CERS6: variants seen among roughly 807,000 people sequenced by gnomAD.
CERS6 encodes LAG1 homolog, ceramide synthase 6.
CERS6 carries 26 observed loss-of-function variants against 56.8 expected under a neutral mutation model. The observed-to-expected ratio is 0.46, with a 90% CI of 0.34 to 0.63. The LOEUF (loss-of-function observed/expected upper bound fraction) is 0.63. Ranked by LOEUF, CERS6 falls within the 30% of genes least tolerant of loss-of-function variation. The pLI is 0.01. For synonymous variants in CERS6, 164 were observed against 173.3 expected (o/e 0.95, Z 0.42); for missense variants, 415 against 467.5 (o/e 0.89, Z 1.04).
In CERS6 at chr2:168,456,766, C is replaced by A. The variant is rs1693670735; in HGVS notation, c.170+148C>A. Reference sequence around the variant, plus strand: ...GTGTTCGGGGAGGGGTTGCTGACCCCCCTGCCCCGCTGGCTTTCTGGGAGC... The same window carrying A: ...GTGTTCGGGGAGGGGTTGCTGACCCACCTGCCCCGCTGGCTTTCTGGGAGC... On this transcript the variant is annotated intron_variant, in intron 1 of 9. Transcript: ENST00000305747. The surrounding 1 kb of genome is among the most constrained non-coding windows in gnomAD (Gnocchi z 4.1). The A allele has an allele frequency of 6.9e-6, 5 of 719,800 alleles. No homozygotes were observed. The highest frequency in any genetic ancestry group is 1.1e-5 in the Non-Finnish European group (5 of 445,068). 44.6% of individuals were successfully genotyped at this position (719,800 alleles called of 1,614,324 possible). A position where few individuals can be genotyped will look rare whatever the true frequency, so the allele number is the denominator to read the frequency against.
intron 4 of CERS6, among the ~76,000 whole-genome samples, chr2:168,649,298 G>A (rs563474701): frequency 1.3e-3 from 192 of 152,246 alleles, no homozygotes; most frequent in African/African-American, 4.4e-3. Context: ...AAGTGACAGA[G>A]CTGGCATCAG....
chr2:168,655,266 A>G (rs983966710), intron 4 of CERS6, among the ~76,000 whole-genome samples: 7 of 152,332 alleles, frequency 4.6e-5, no homozygotes, highest in South Asian at 2.1e-4. Flanking sequence ...AGGGAATTCT[A>G]GTACACTGGT....
intron 8 of CERS6, among the ~76,000 whole-genome samples, chr2:168,726,136 A>G (rs1440760036): frequency 6.6e-6 from 1 of 152,200 alleles, no homozygotes; most frequent in Non-Finnish European, 1.5e-5. Context: ...TTTAATTATA[A>G]ATGGTCTCAT....
intron 1 of CERS6, among the ~76,000 whole-genome samples, chr2:168,462,466 G>A (rs1055057141): frequency 1.3e-5 from 2 of 151,706 alleles, no homozygotes; most frequent in African/African-American, 4.8e-5. Context: ...AGTTTTTTTT[G>A]GTCTCTCTTT....
At position 168,546,393 on chromosome 2, in the gene CERS6, C is replaced by T. The variant is rs902861046; in HGVS notation, c.171-1203C>T. Among the ~76,000 whole-genome samples, 9 of 152,200 alleles carry T rather than the reference C, an allele frequency of 5.9e-5. No individual in the cohort carries two copies. The East Asian group carries it at 7.7e-4, about 13-fold the overall frequency. On this transcript the variant is annotated intron_variant, in intron 1 of 9. Coordinates refer to ENST00000305747, the MANE Select transcript of CERS6 (RefSeq NM_203463.3). Reference sequence around the variant, plus strand: ...AGAGAGCCCAGTGTACCAGGTATTACGGTGCATTTTCTCTGTCTTATCTTT... The same window carrying T: ...AGAGAGCCCAGTGTACCAGGTATTATGGTGCATTTTCTCTGTCTTATCTTT...
chr2:168,462,999 A>T (rs1370635436), intron 1 of CERS6, among the ~76,000 whole-genome samples: 1 of 152,232 alleles, frequency 6.6e-6, no homozygotes, highest in Non-Finnish European at 1.5e-5. Flanking sequence ...AATTTTGAAA[A>T]CAATAGTAAC....
intron 1 of CERS6, among the ~76,000 whole-genome samples, chr2:168,495,132 AC>A (rs1302597886): frequency 6.6e-6 from 1 of 152,216 alleles, no homozygotes. Context: ...CTCATTGGGA[AC>A]ATATTAACCA....
chr2:168,612,417 G>A (rs1436136548), intron 3 of CERS6, among the ~76,000 whole-genome samples: 3 of 152,232 alleles, frequency 2.0e-5, no homozygotes, highest in Non-Finnish European at 4.4e-5. Flanking sequence ...GGGAGGTGGA[G>A]ACCAGAGAAA....
intron 1 of CERS6, among the ~76,000 whole-genome samples, chr2:168,507,535 A>G (rs1024030957): frequency 3.9e-5 from 6 of 152,194 alleles, no homozygotes; most frequent in Non-Finnish European, 8.8e-5. Flanking sequence ...TTGAAGGCAC[A>G]AGATGCTGAC....
chr2:168,560,591 G>A (rs1695769766), intron 2 of CERS6, among the ~76,000 whole-genome samples: 1 of 152,106 alleles, frequency 6.6e-6, no homozygotes, highest in Admixed American at 6.6e-5. Context: ...AAAAAGGGAT[G>A]ACCAAGAAAA....
At chr2:168,517,204 A>G (rs944597209) in intron 1 of CERS6, among the ~76,000 whole-genome samples, 1 of 151,740 alleles carries the variant, frequency 6.6e-6, no homozygotes, top group Non-Finnish European at 1.5e-5. Flanking sequence ...TATAAAAACA[A>G]GCAGAGGCCG....
chr2:168,755,309 A>G (rs747784554), intron 8 of CERS6, among the ~76,000 whole-genome samples: 3 of 152,214 alleles, frequency 2.0e-5, no homozygotes, highest in African/African-American at 7.2e-5. Flanking sequence ...AACAGAAGGA[A>G]ATATTACTAT....
intron 3 of CERS6, among the ~76,000 whole-genome samples, chr2:168,597,997 A>G (rs1327887852): frequency 6.6e-6 from 1 of 152,130 alleles, no homozygotes; most frequent in African/African-American, 2.4e-5. Flanking sequence ...TCCTTTATCT[A>G]TAGGTGTATG....
chr2:168,518,124 G>A (rs1314367689), intron 1 of CERS6, among the ~76,000 whole-genome samples: 2 of 152,060 alleles, frequency 1.3e-5, no homozygotes, highest in African/African-American at 4.8e-5. Flanking sequence ...TTTTTCATTG[G>A]GAATCTAGTT....
At chr2:168,757,160 T>G (rs537464305) in intron 8 of CERS6, among the ~76,000 whole-genome samples, 2 of 152,232 alleles carry the variant, frequency 1.3e-5, no homozygotes, top group Admixed American at 6.5e-5. Context: ...GTCTCTCTTA[T>G]GTACACATAG....
intron 8 of CERS6, among the ~76,000 whole-genome samples, chr2:168,744,405 C>T (rs943502992): frequency 3.3e-5 from 5 of 151,734 alleles, no homozygotes; most frequent in African/African-American, 9.7e-5. Flanking sequence ...GCTACGAACA[C>T]ACTGCCCCCA....
chr2:168,646,684 G>A (rs1241612369), intron 4 of CERS6, among the ~76,000 whole-genome samples: 3 of 152,166 alleles, frequency 2.0e-5, no homozygotes, highest in Non-Finnish European at 4.4e-5. Context: ...TTGCATTTAA[G>A]TCTTTAATCT....
intron 3 of CERS6, among the ~76,000 whole-genome samples, chr2:168,607,055 C>T (rs1436650882): frequency 1.3e-5 from 2 of 152,198 alleles, no homozygotes; most frequent in East Asian, 3.9e-4. Flanking sequence ...ATTACCCAGT[C>T]TCAGTCATTT....
At chr2:168,573,758 G>T (rs915179479) in intron 3 of CERS6, among the ~76,000 whole-genome samples, 4 of 152,112 alleles carry the variant, frequency 2.6e-5, no homozygotes, top group Non-Finnish European at 4.4e-5. Flanking sequence ...GTGGCTGGGG[G>T]TGGAGCAGGA....
Sources: allele counts gnomAD v4.1 joint callset (sites outside exome capture counted in the v4.1 genomes callset), GRCh38; gene constraint gnomAD v4.1.1; non-coding constraint Gnocchi (gnomAD v3.1); transcripts MANE v1.5; gene names NCBI Gene and HGNC (gene_info 2026-07-23, HGNC 2026-07-21).